Variants in ITGB6 observed in about 807,000 individuals in gnomAD.
ITGB6 encodes integrin subunit beta 6.
A neutral mutation model predicts 84.5 loss-of-function variants in ITGB6; 80 were observed. That is an observed-to-expected ratio of 0.95 (90% CI 0.79 to 1.14). The LOEUF (loss-of-function observed/expected upper bound fraction) is 1.14, where lower values mean the gene tolerates loss of function less well. Ranked by LOEUF, ITGB6 falls within the 50% of genes most tolerant of loss-of-function variation. The pLI, the probability that ITGB6 is intolerant of heterozygous loss-of-function variation, is 0.00. For synonymous variants in ITGB6, 383 were observed against 354.9 expected (o/e 1.08, Z -0.89); for missense variants, 1,006 against 968.0 (o/e 1.04, Z -0.52).
At chr2:160,189,437 T>C (rs1686045846) in intron 4 of ITGB6, among the ~76,000 whole-genome samples, 1 of 151,714 alleles carries the variant, frequency 6.6e-6, no homozygotes, top group South Asian at 2.1e-4. Context: ...TGGGAGAAAA[T>C]TTTCGCAACC....
At chr2:160,131,255 T>A (rs1683457542) in intron 10 of ITGB6, among the ~76,000 whole-genome samples, 1 of 152,210 alleles carries the variant, frequency 6.6e-6, no homozygotes, top group East Asian at 1.9e-4. Context: ...GCCTGATAGT[T>A]TCCATCTCTT....
At chr2:160,105,211 A>G (rs1443120217) in intron 14 of ITGB6, among the ~76,000 whole-genome samples, 1 of 152,148 alleles carries the variant, frequency 6.6e-6, no homozygotes, top group Admixed American at 6.6e-5. Flanking sequence ...AAGAAACTCA[A>G]TTTAATAAGG....
intron 6 of ITGB6, among the ~76,000 whole-genome samples, chr2:160,169,576 C>A (rs1476416188): frequency 6.6e-6 from 1 of 152,148 alleles, no homozygotes; most frequent in African/African-American, 2.4e-5. Flanking sequence ...CTAAGAAGAC[C>A]ATTTGAAATT....
chr2:160,181,565 A>C (rs1685673548), intron 4 of ITGB6, among the ~76,000 whole-genome samples: 1 of 152,214 alleles, frequency 6.6e-6, no homozygotes, highest in Admixed American at 6.5e-5. Flanking sequence ...GCACAGCTTC[A>C]GCAGACTTAA....
In ITGB6 at chr2:160,195,478, C is replaced by T. The variant is rs780454470; in HGVS notation, c.484G>A (p.Glu162Lys). ...IKELGSRLSK[E>K]MSKLTSNFRL... is the part of the protein sequence containing the mutation. The stretch of plus-strand genomic sequence containing the variant: ...AAGTTGCTGGTTAATTTAGACATCT[C>T]TTTGGAAAGCCGGGAGCCCAGCTCC... The change falls in exon 4 of 15, where the codon GAG (glutamate) becomes AAG (lysine). Residue 162 changes from glutamate to lysine, a missense_variant. By Grantham distance (56) the Glu-to-Lys change is moderately conservative. Transcript: ENST00000283249. 6.2e-7 allele frequency: 1 copy of T among 1,614,192 alleles called. No individual in the cohort carries two copies. Among genetic ancestry groups the T allele is most frequent in the Non-Finnish European group, 8.5e-7 (1 of 1,180,022 alleles).
chr2:160,139,536 A>G (rs1015781292), intron 8 of ITGB6, among the ~76,000 whole-genome samples: 6 of 152,200 alleles, frequency 3.9e-5, no homozygotes, highest in Non-Finnish European at 7.4e-5. Context: ...CAGGAGCTAA[A>G]TAAAAATTAA....
rs577383547 is a variant in ITGB6 at position 160,160,880 on chromosome 2, C to T, written c.1017+8332G>A. Among the ~76,000 whole-genome samples, 20 of 152,156 alleles carry T rather than the reference C, an allele frequency of 1.3e-4. No individual in the cohort carries two copies. In the South Asian group the frequency reaches 4.2e-3, roughly 32 times the overall value. The stretch of plus-strand genomic sequence containing the variant: ...GGGTAACTGAATTATGCAGGAGTGC[C>T]CTTGTGCTGTGAGACCCAGAGAAAG... On this transcript the variant is annotated intron_variant, in intron 7 of 14. Transcript: ENST00000283249.
chr2:160,103,680 T>G (rs950921539), intron 14 of ITGB6, among the ~76,000 whole-genome samples: 2 of 152,140 alleles, frequency 1.3e-5, no homozygotes, highest in African/African-American at 4.8e-5. Flanking sequence ...TCTAGTTGGT[T>G]ACAGGAGAAT....
At chr2:160,117,020 C>T (rs1559098584) in intron 12 of ITGB6, among the ~76,000 whole-genome samples, 2 of 150,986 alleles carry the variant, frequency 1.3e-5, no homozygotes, top group Non-Finnish European at 3.0e-5. Flanking sequence ...AAAGCAAGTC[C>T]TTAGTGACCC....
At chr2:160,177,659 T>C (rs368912239) in intron 4 of ITGB6, among the ~76,000 whole-genome samples, 16 of 152,320 alleles carry the variant, frequency 1.1e-4, no homozygotes, top group African/African-American at 2.9e-4. Context: ...TTTGGATATA[T>C]ATCTTAAAAG....
intron 10 of ITGB6, among the ~76,000 whole-genome samples, chr2:160,131,022 C>T (rs569667663): frequency 3.3e-5 from 5 of 152,098 alleles, no homozygotes; most frequent in Non-Finnish European, 7.4e-5. Context: ...TCCAAAGTTG[C>T]TAATTGATAT....
chr2:160,149,265 G>A (rs1191253738), intron 7 of ITGB6, among the ~76,000 whole-genome samples: 2 of 152,198 alleles, frequency 1.3e-5, no homozygotes, highest in Non-Finnish European at 2.9e-5. Context: ...GGATGAGACA[G>A]CGATATTTGC....
chr2:160,170,095 T>G (rs1685147002), intron 6 of ITGB6, among the ~76,000 whole-genome samples: 1 of 152,232 alleles, frequency 6.6e-6, no homozygotes. Context: ...GGTACTAGCC[T>G]GCTAACAATT....
At chr2:160,111,384 T>C (rs998941007) in intron 13 of ITGB6, among the ~76,000 whole-genome samples, 5 of 152,086 alleles carry the variant, frequency 3.3e-5, no homozygotes, top group African/African-American at 1.2e-4. Flanking sequence ...TATAAAGTAA[T>C]TTCTCCTTAT....
intron 7 of ITGB6, among the ~76,000 whole-genome samples, chr2:160,142,851 C>T (rs1404489300): frequency 2.0e-5 from 3 of 152,212 alleles, no homozygotes; most frequent in Non-Finnish European, 2.9e-5. Flanking sequence ...TTTCCCCACC[C>T]TGGAGTTTTA....
In ITGB6 at chr2:160,137,383, T is replaced by C. The variant is rs753829724; in HGVS notation, c.1660+51A>G. 4 of 1,542,852 alleles carry C rather than the reference T, an allele frequency of 2.6e-6. No homozygotes were observed. In the Admixed American group the frequency reaches 7.1e-5, roughly 27 times the overall value. On this transcript the variant is annotated intron_variant, in intron 10 of 14. Transcript: ENST00000283249. ...GAAGGTGCAGAGGATGCCAAGCCCC[T>C]TGCTGATACTTGAGCAGCCACAGGG...
At position 160,172,726 on chromosome 2, in the gene ITGB6, T is replaced by C. The variant is rs765694627; in HGVS notation, c.764A>G (p.Lys255Arg). Residue 255 changes from lysine (K) to arginine (R), a missense_variant, in exon 6 of 15, where the codon AAA (lysine) becomes AGA (arginine). Coordinates refer to ENST00000283249, the MANE Select transcript of ITGB6 (RefSeq NM_000888.5). ...AIMQAAVCKE[K>R]IGWRNDSLHL... ...GAGGGAGTCATTCCGCCAGCCAATT[T>C]TTTCCTACAGTGAGAAAGAAACATT... 10 of 1,593,062 alleles carry C rather than the reference T, an allele frequency of 6.3e-6. No homozygotes were observed. The highest frequency in any genetic ancestry group is 8.6e-6 in the Non-Finnish European group (10 of 1,162,350).
rs1366409916 is a variant in ITGB6, at chr2:160,126,465, A to G, written c.1797T>C (p.Cys599=). 2 of 1,614,092 alleles carry G rather than the reference A, an allele frequency of 1.2e-6. No homozygotes were observed. The highest frequency in any genetic ancestry group is 1.7e-6 in the Non-Finnish European group (2 of 1,180,042). ...CAGGGTTTGTGCAAACACACTTGCC[A>G]CAAACACAGTCCCCGCGCCCGCTGC... is the stretch of plus-strand genomic sequence containing the variant. ...VLCSGRGDCV[C]GKCVCTNPGA... The change falls in exon 11 of 15, where the codon TGT becomes TGC. Residue 599 remains cysteine, a synonymous_variant. Transcript: ENST00000283249.
chr2:160,195,384 ATT>A lies in ITGB6; in HGVS notation c.576_577del (p.Glu192AspfsTer7), dbSNP rs1686290827. On this transcript the variant is annotated frameshift_variant, in exon 4 of 15. Coordinates refer to ENST00000283249, the MANE Select transcript of ITGB6 (RefSeq NM_000888.5). LOFTEE classifies it high-confidence loss of function. ...ATTTACTTACCTGCAAGGGTTGGCA[ATT>A]TCTTCTGGTGTTGTTTTCACAAAAG... 3 of 1,614,010 alleles carry A rather than the reference ATT, an allele frequency of 1.9e-6. No homozygotes were observed. The African/African-American group carries it at 4.0e-5, about 22-fold the overall frequency.
Sources: allele counts gnomAD v4.1 joint callset (sites outside exome capture counted in the v4.1 genomes callset), GRCh38; gene constraint gnomAD v4.1.1; transcripts MANE v1.5; gene names NCBI Gene and HGNC (gene_info 2026-07-23, HGNC 2026-07-21).